LDLRAD4: variants seen among roughly 807,000 people sequenced by gnomAD.
The protein encoded by LDLRAD4 is low density lipoprotein receptor class A domain containing 4, also known as low-density lipoprotein receptor class A domain-containing protein 4.
A neutral mutation model predicts 17.0 loss-of-function variants in LDLRAD4; 5 were observed. That is an observed-to-expected ratio of 0.29 (90% CI 0.15 to 0.62). LDLRAD4 has a LOEUF of 0.62. LDLRAD4 is among the 20% of genes least tolerant of loss of function. The probability of loss-of-function intolerance (pLI) is 0.84; values close to 1 mark genes in which losing one functional copy is unlikely to be tolerated. For missense variants in LDLRAD4, 340 were observed against 424.7 expected, an observed-to-expected ratio of 0.80 and a Z score of 1.75; for synonymous variants, 168 against 171.8, an observed-to-expected ratio of 0.98 and a Z score of 0.17.
chr18:13,644,753 C>T (rs1054461027), intron 5 of LDLRAD4: 32 of 202,028 alleles, frequency 1.6e-4, no homozygotes, highest in African/African-American at 7.0e-4. Context: ...TGACCAGATC[C>T]AAGTGCAGGC....
intron 3 of LDLRAD4, among the ~76,000 whole-genome samples, chr18:13,565,802 A>T (rs1260857422): frequency 6.6e-6 from 1 of 152,230 alleles, no homozygotes; most frequent in Non-Finnish European, 1.5e-5. Flanking sequence ...AGCCTCTAGG[A>T]CAGAGCTCCT....
At chr18:13,625,425 C>T (rs1394034447) in intron 4 of LDLRAD4, among the ~76,000 whole-genome samples, 2 of 152,122 alleles carry the variant, frequency 1.3e-5, no homozygotes, top group African/African-American at 2.4e-5. Flanking sequence ...GGAAGCTTCC[C>T]GCCCTGCTAT....
In LDLRAD4 at chr18:13,387,430, CA is replaced by C. The variant is rs2085920984; in HGVS notation, c.-292del. The stretch of plus-strand genomic sequence containing the variant: ...TGCAGGATGCTGGCAGCGGCGTGGC[CA>C]GGGGCGCCCGTGTTCTGAGGGCCTG... On this transcript the variant is annotated 5_prime_UTR_variant, in exon 2 of 6. It removes the in-frame stop codon of an upstream open reading frame in the 5' UTR. Coordinates refer to ENST00000359446, the Ensembl canonical transcript of LDLRAD4. The C allele has an allele frequency of 2.9e-6, 1 of 346,756 alleles. No individual in the cohort carries two copies. The highest frequency in any genetic ancestry group is 5.2e-5 in the Admixed American group (1 of 19,308). The allele number at this position is 346,756 out of a possible 1,614,324, so 21.5% of individuals were successfully genotyped here.
intron 3 of LDLRAD4, among the ~76,000 whole-genome samples, chr18:13,560,802 G>A (rs950205356): frequency 1.3e-5 from 2 of 152,214 alleles, no homozygotes; most frequent in African/African-American, 4.8e-5. Flanking sequence ...TGAAGCTGTA[G>A]TTGTTGCTGT....
chr18:13,490,179 A>G (rs1011008479), intron 3 of LDLRAD4: 1 of 152,170 alleles, frequency 6.6e-6, no homozygotes, highest in Non-Finnish European at 1.5e-5. Flanking sequence ...TGGTCTGCTT[A>G]TTATATTCCC....
intron 3 of LDLRAD4, among the ~76,000 whole-genome samples, chr18:13,485,452 C>T (rs146562650): frequency 1.1e-4 from 16 of 152,344 alleles, no homozygotes; most frequent in Admixed American, 3.9e-4. Context: ...CCTGTCTGCT[C>T]TCCATGTCTG....
At chr18:13,233,254 T>C (rs1466936067) in intron 1 of LDLRAD4, among the ~76,000 whole-genome samples, 1 of 152,240 alleles carries the variant, frequency 6.6e-6, no homozygotes, top group Non-Finnish European at 1.5e-5. Context: ...TCTCTGCTAC[T>C]GGATGATGTA....
intron 1 of LDLRAD4, among the ~76,000 whole-genome samples, chr18:13,364,402 G>T (rs1214755913): frequency 6.6e-6 from 1 of 152,042 alleles, no homozygotes; most frequent in Non-Finnish European, 1.5e-5. Context: ...CGGTGGTGTG[G>T]TCATAGCTCA....
At position 13,344,900 on chromosome 18, in the gene LDLRAD4, C is replaced by A. The variant is rs964682923; in HGVS notation, c.-382-42441C>A. Reference sequence around the variant, plus strand: ...CTCTGTTTGTCTGCTGTTGGTGTATCAGAATGCTTGTGATTTTTGCACATT... The same window carrying A: ...CTCTGTTTGTCTGCTGTTGGTGTATAAGAATGCTTGTGATTTTTGCACATT... On this transcript the variant is annotated intron_variant, in intron 1 of 5. Coordinates refer to ENST00000359446, the Ensembl canonical transcript of LDLRAD4. Among the ~76,000 whole-genome samples the A allele has an allele frequency of 6.0e-4, 91 of 152,084 alleles. 1 individual carries two copies. The highest frequency in any genetic ancestry group is 2.9e-4 in the Non-Finnish European group (20 of 67,940).
At chr18:13,459,432 G>A (rs1479060153) in intron 3 of LDLRAD4, among the ~76,000 whole-genome samples, 1 of 151,398 alleles carries the variant, frequency 6.6e-6, no homozygotes, top group East Asian at 1.9e-4. Context: ...CGCCCAGGCT[G>A]GAGTGCAGTG....
chr18:13,224,751 A>G (rs2041677680), intron 1 of LDLRAD4, among the ~76,000 whole-genome samples: 1 of 151,516 alleles, frequency 6.6e-6, no homozygotes, highest in African/African-American at 2.4e-5. Context: ...AAGTGCTGAG[A>G]TTACAGGCAT....
intron 3 of LDLRAD4, among the ~76,000 whole-genome samples, chr18:13,591,701 C>A (rs892942597): frequency 6.6e-6 from 1 of 151,988 alleles, no homozygotes; most frequent in Non-Finnish European, 1.5e-5. Flanking sequence ...CAATCTGCAG[C>A]CAGTTAAGAA....
exon 6 of LDLRAD4, chr18:13,652,164 G>A (rs2043272960): frequency 6.6e-6 from 1 of 152,224 alleles, no homozygotes; most frequent in African/African-American, 2.4e-5. Flanking sequence ...TTGAGCATGA[G>A]AATGTTCTAG....
intron 1 of LDLRAD4, among the ~76,000 whole-genome samples, chr18:13,222,628 G>A (rs778170296): frequency 1.3e-5 from 2 of 152,228 alleles, no homozygotes; most frequent in Non-Finnish European, 2.9e-5. Context: ...GAGGGCCTCT[G>A]CCTGCCGCCT....
chr18:13,321,326 G>A (rs1377451517), intron 1 of LDLRAD4, among the ~76,000 whole-genome samples: 2 of 152,228 alleles, frequency 1.3e-5, no homozygotes, highest in South Asian at 2.1e-4. Context: ...AGCTGCAAAC[G>A]TTTCCAAAGC....
At chr18:13,268,068 T>C (rs561200931) in intron 1 of LDLRAD4, among the ~76,000 whole-genome samples, 1 of 152,318 alleles carries the variant, frequency 6.6e-6, no homozygotes, top group African/African-American at 2.4e-5. Flanking sequence ...TCTTGTACTT[T>C]CCAAGATGTG....
At chr18:13,255,978 T>A (rs965427564) in intron 1 of LDLRAD4, among the ~76,000 whole-genome samples, 4 of 152,200 alleles carry the variant, frequency 2.6e-5, no homozygotes, top group Non-Finnish European at 5.9e-5. Context: ...TTCATCATGA[T>A]CTTGTTTCTG....
At chr18:13,642,029 C>G (rs939082958) in intron 4 of LDLRAD4, 3 of 985,298 alleles carry the variant, frequency 3.0e-6, no homozygotes, top group Non-Finnish European at 3.6e-6. Flanking sequence ...CCGCTGGCGC[C>G]GGACCCCCGC....
intron 1 of LDLRAD4, among the ~76,000 whole-genome samples, chr18:13,292,536 G>A (rs945762085): frequency 1.4e-4 from 22 of 152,208 alleles, no homozygotes; most frequent in Admixed American, 7.2e-4. Flanking sequence ...AGAAAGGAGA[G>A]AGGATGCCAT....
Sources: gnomAD v4.1 joint callset for allele counts (sites outside exome capture counted in the v4.1 genomes callset) on GRCh38, gnomAD v4.1.1 for gene constraint, MANE v1.5 for transcripts, NCBI Gene and HGNC (gene_info 2026-07-23, HGNC 2026-07-21) for gene names.